The following KIF3B variants were observed in gnomAD, a reference collection of about 807,000 sequenced individuals.
The protein encoded by KIF3B is kinesin-like protein KIF3B.
Under a neutral mutation model 74.3 loss-of-function variants are expected in KIF3B, and 38 were observed. The ratio of observed to expected loss-of-function variants is 0.51; its 90% CI spans 0.39 to 0.67. The LOEUF is 0.67. KIF3B is among the 30% of genes least tolerant of loss of function. The probability of loss-of-function intolerance (pLI) is 0.00; values close to 1 mark genes in which losing one functional copy is unlikely to be tolerated. For synonymous variants in KIF3B, 326 were observed against 342.5 expected, an observed-to-expected ratio of 0.95 and a Z score of 0.53; for missense variants, 649 against 932.0, an observed-to-expected ratio of 0.70 and a Z score of 3.95.
chr20:32,292,968 T>G (rs1379985870), intron 1 of KIF3B, among the ~76,000 whole-genome samples: 3 of 151,808 alleles, frequency 2.0e-5, no homozygotes, highest in Non-Finnish European at 4.4e-5. Context: ...TCAAAGACAT[T>G]TTTTGGCTGG....
At position 32,307,169 on chromosome 20, in the gene KIF3B, T is replaced by A. The variant is rs374134516; in HGVS notation, c.-65-2544T>A. Among the ~76,000 whole-genome samples, 17 of 152,240 alleles carry A rather than the reference T, an allele frequency of 1.1e-4. No homozygotes were observed. The East Asian group carries it at 3.1e-3, about 28-fold the overall frequency. ...TACAAAGCCTCCCCCATTATGGACA[T>A]CTCCTACCAGAGTGGTACGTTTGTT... On this transcript the variant is annotated intron_variant, in intron 1 of 8. Coordinates refer to ENST00000375712, the MANE Select transcript of KIF3B (RefSeq NM_004798.4).
chr20:32,302,988 A>AT (rs1351272547), intron 1 of KIF3B, among the ~76,000 whole-genome samples: 1 of 151,332 alleles, frequency 6.6e-6, no homozygotes, highest in Non-Finnish European at 1.5e-5. Context: ...ACATTATGAG[A>AT]TTTTTTTTGC....
chr20:32,299,016 A>AT (rs1458565794), intron 1 of KIF3B, among the ~76,000 whole-genome samples: 2 of 152,108 alleles, frequency 1.3e-5, no homozygotes, highest in South Asian at 2.1e-4. Flanking sequence ...TGAGCACCGT[A>AT]TTTTTTTGTA....
intron 6 of KIF3B, 35 bp downstream of exon 6, chr20:32,326,919 T>C: frequency 1.0e-6 from 1 of 1,001,882 alleles, no homozygotes; most frequent in Non-Finnish European, 1.5e-6. Context: ...TATTTTCAAG[T>C]ATGAGGGAGG....
intron 1 of KIF3B, among the ~76,000 whole-genome samples, chr20:32,302,283 G>T (rs2047748049): frequency 6.6e-6 from 1 of 152,208 alleles, no homozygotes; most frequent in Non-Finnish European, 1.5e-5. Flanking sequence ...AATAATACAT[G>T]ACTAGTTCAG....
At position 32,310,623 on chromosome 20, in the gene KIF3B, A is replaced by T. The variant is rs1470171904; in HGVS notation, c.846A>T (p.Leu282=). The change falls in exon 2 of 9, where the codon CTA becomes CTT. Residue 282 remains leucine, a synonymous_variant. Coordinates refer to ENST00000375712, the MANE Select transcript of KIF3B (RefSeq NM_004798.4). This position sits in a 1 kb window ranked among gnomAD's most constrained non-coding sequence, Gnocchi z 6.5. ...CTTTGGGTAATGTCATCTCTGCTCT[A>T]GTGGACGGCAAAAGCACTCACATTC... is the stretch of plus-strand genomic sequence containing the variant. ...LSALGNVISA[L]VDGKSTHIPY... 1 of 1,614,118 alleles carries T rather than the reference A, an allele frequency of 6.2e-7. No individual in the cohort carries two copies. The highest frequency in any genetic ancestry group is 2.2e-5 in the East Asian group (1 of 44,876).
At chr20:32,306,584 T>C (rs1482476483) in intron 1 of KIF3B, among the ~76,000 whole-genome samples, 3 of 40,128 alleles carry the variant, frequency 7.5e-5, no homozygotes, top group Non-Finnish European at 1.4e-4. Context: ...TTTTCCTCTT[T>C]TTTTTTTTTT....
chr20:32,286,417 C>G (rs1480424044), intron 1 of KIF3B, among the ~76,000 whole-genome samples: 1 of 152,166 alleles, frequency 6.6e-6, no homozygotes, highest in Non-Finnish European at 1.5e-5. Flanking sequence ...GATAAAATAT[C>G]AGTTCAAGTT....
At chr20:32,329,909 T>G (rs2047922010) in intron 7 of KIF3B, among the ~76,000 whole-genome samples, 1 of 152,216 alleles carries the variant, frequency 6.6e-6, no homozygotes, top group Admixed American at 6.5e-5. Flanking sequence ...GTTAGCTCTT[T>G]GGGTGCCATT....
At chr20:32,331,122 A>G in intron 8 of KIF3B, 101 bp from the exon 9 acceptor site, 1 of 857,342 alleles carries the variant, frequency 1.2e-6, no homozygotes, top group Non-Finnish European at 1.9e-6. Context: ...TGTCGTTTTC[A>G]GGCCATTGAA....
intron 5 of KIF3B, among the ~76,000 whole-genome samples, chr20:32,317,763 G>A (rs1463558300): frequency 2.0e-5 from 3 of 150,778 alleles, no homozygotes; most frequent in Non-Finnish European, 3.0e-5. Context: ...TTAGCCTCCC[G>A]GGTAGCTGGA....
intron 5 of KIF3B, among the ~76,000 whole-genome samples, chr20:32,323,421 G>A (rs2047886377): frequency 6.6e-6 from 1 of 151,400 alleles, no homozygotes. Flanking sequence ...GTTTATTTGA[G>A]ACAGAGTCTC....
At chr20:32,324,698 T>G (rs956234739) in intron 5 of KIF3B, among the ~76,000 whole-genome samples, 1 of 152,132 alleles carries the variant, frequency 6.6e-6, no homozygotes, top group Admixed American at 6.5e-5. Context: ...AGGGATTCTT[T>G]TAATGATCAA....
intron 1 of KIF3B, among the ~76,000 whole-genome samples, chr20:32,299,721 A>G (rs1327920790): frequency 6.6e-6 from 1 of 151,740 alleles, no homozygotes; most frequent in Non-Finnish European, 1.5e-5. Context: ...CATATTGTCT[A>G]TAATATGAAT....
intron 1 of KIF3B, among the ~76,000 whole-genome samples, chr20:32,286,609 G>A (rs933726201): frequency 9.2e-5 from 14 of 151,860 alleles, no homozygotes; most frequent in African/African-American, 3.4e-4. Flanking sequence ...AACTTCCATT[G>A]AGTAAAAAAA....
chr20:32,301,773 T>C (rs763079048), intron 1 of KIF3B, among the ~76,000 whole-genome samples: 2 of 152,154 alleles, frequency 1.3e-5, no homozygotes, highest in African/African-American at 2.4e-5. Context: ...AGGAAGCCAA[T>C]AGTTACTGAG....
chr20:32,315,081 A>T (rs1196673360), intron 2 of KIF3B, among the ~76,000 whole-genome samples: 1 of 152,186 alleles, frequency 6.6e-6, no homozygotes, highest in Non-Finnish European at 1.5e-5. Flanking sequence ...GAGGAGGCCT[A>T]GCCCAGGCCT....
rs1555895040 is a variant in KIF3B, at chr20:32,299,379, GTATATATA to G, written c.-65-10316_-65-10309del. Among the ~76,000 whole-genome samples the G allele has an allele frequency of 9.5e-4, 22 of 23,092 alleles. 2 individuals are homozygous for G. In the Admixed American group the frequency reaches 0.012, roughly 13 times the overall value. 15.1% of individuals were successfully genotyped at this position (23,092 alleles called of 152,430 possible). ...CTTGTAACTACTGAATGGTGTGTGT[GTATATATA>G]TATATATATATATATATTTTTTTTT... On this transcript the variant is annotated intron_variant, in intron 1 of 8. Transcript: ENST00000375712.
At chr20:32,316,034 A>C (rs1162355166) in intron 2 of KIF3B, among the ~76,000 whole-genome samples, 184 bp from the exon 3 acceptor site, 1 of 152,128 alleles carries the variant, frequency 6.6e-6, no homozygotes, top group East Asian at 1.9e-4. Context: ...AGAAGCCTCT[A>C]GTGAAGCTGC....
Sources: gnomAD v4.1 joint callset for allele counts (sites outside exome capture counted in the v4.1 genomes callset) on GRCh38, gnomAD v4.1.1 for gene constraint, Gnocchi (gnomAD v3.1) non-coding constraint, MANE v1.5 for transcripts, NCBI Gene and HGNC (gene_info 2026-07-23, HGNC 2026-07-21) for gene names.